Variants in KHDRBS3 observed in about 807,000 individuals in gnomAD.
The protein encoded by KHDRBS3 is KH RNA binding domain containing, signal transduction associated 3.
A neutral mutation model predicts 45.6 loss-of-function variants in KHDRBS3; 23 were observed. The ratio of observed to expected loss-of-function variants is 0.50; its 90% confidence interval spans 0.36 to 0.72. KHDRBS3 has a LOEUF of 0.72. Among genes scored for constraint, KHDRBS3 ranks in the 30% least tolerant of loss-of-function variants. The pLI, the probability that KHDRBS3 is intolerant of heterozygous loss-of-function variation, is 0.00. For missense variants in KHDRBS3, 352 were observed against 424.8 expected, an observed-to-expected ratio of 0.83 and a Z score of 1.51; for synonymous variants, 162 against 156.5, an observed-to-expected ratio of 1.04 and a Z score of -0.26.
intron 2 of KHDRBS3, among the ~76,000 whole-genome samples, chr8:135,533,222 G>A (rs1351049444): frequency 6.6e-6 from 1 of 152,162 alleles, no homozygotes; most frequent in African/African-American, 2.4e-5. Flanking sequence ...TACTGCAAAA[G>A]ACACTGTTAA....
intron 5 of KHDRBS3, among the ~76,000 whole-genome samples, chr8:135,578,346 A>G (rs1828044272): frequency 6.6e-6 from 1 of 151,848 alleles, no homozygotes; most frequent in South Asian, 2.1e-4. Flanking sequence ...TTTCTTCTCT[A>G]AGTTTTATGT....
intron 1 of KHDRBS3, among the ~76,000 whole-genome samples, chr8:135,467,409 C>G (rs1472186121): frequency 6.6e-6 from 1 of 152,220 alleles, no homozygotes; most frequent in Non-Finnish European, 1.5e-5. Context: ...AGTTCACATG[C>G]TGATGGCACC....
At chr8:135,569,645 C>T (rs1453602209) in intron 5 of KHDRBS3, among the ~76,000 whole-genome samples, 2 of 152,106 alleles carry the variant, frequency 1.3e-5, no homozygotes, top group East Asian at 1.9e-4. Context: ...TACTGTAGAA[C>T]GTGTGAATCT....
chr8:135,650,215 C>T (rs1263641121), downstream of KHDRBS3, among the ~76,000 whole-genome samples: 1 of 152,124 alleles, frequency 6.6e-6, no homozygotes, highest in South Asian at 2.1e-4. Flanking sequence ...ACCGCAAAAC[C>T]GAATGGAGGT....
At chr8:135,625,070 T>C (rs1830298926) in intron 7 of KHDRBS3, 2 of 578,532 alleles carry the variant, frequency 3.5e-6, no homozygotes, top group South Asian at 5.2e-5. Context: ...AGAGGCACTT[T>C]TTGCTTATGA....
rs1177951702 is a variant in KHDRBS3, at chr8:135,558,401, CTA to C, written c.611+816_611+817del. 6.6e-5 allele frequency among the ~76,000 whole-genome samples: 10 copies of C among 152,066 alleles called. No homozygotes were observed. The South Asian group carries it at 1.9e-3, about 28-fold the overall frequency. On this transcript the variant is annotated intron_variant, in intron 5 of 8. Coordinates refer to ENST00000355849, the MANE Select transcript of KHDRBS3 (RefSeq NM_006558.3). Reference sequence around the variant, plus strand: ...GCAAATTTTTCAATTAAACTAATGACTATGGATAAATTTTTATTTTAGATAGA... The same window carrying C: ...GCAAATTTTTCAATTAAACTAATGACTGGATAAATTTTTATTTTAGATAGA...
intron 7 of KHDRBS3, among the ~76,000 whole-genome samples, chr8:135,637,858 A>C (rs955336193): frequency 6.6e-6 from 1 of 152,212 alleles, no homozygotes; most frequent in African/African-American, 2.4e-5. Flanking sequence ...TTGAGAATTA[A>C]AAGATTATCT....
At chr8:135,563,682 A>G (rs988158132) in intron 5 of KHDRBS3, among the ~76,000 whole-genome samples, 1 of 152,216 alleles carries the variant, frequency 6.6e-6, no homozygotes, top group Non-Finnish European at 1.5e-5. Flanking sequence ...AGTGTTGACC[A>G]CTGGAAATAT....
chr8:135,565,152 G>A (rs116255744), intron 5 of KHDRBS3, among the ~76,000 whole-genome samples: 5 of 152,100 alleles, frequency 3.3e-5, no homozygotes, highest in African/African-American at 9.7e-5. Context: ...CGTGATTCCC[G>A]CTAAGTGGAA....
chr8:135,605,937 G>A (rs1445456073), intron 6 of KHDRBS3, among the ~76,000 whole-genome samples: 1 of 151,990 alleles, frequency 6.6e-6, no homozygotes. Context: ...GTTTAAAACT[G>A]AACATTTAAT....
chr8:135,526,933 G>GTT (rs1164105316), intron 2 of KHDRBS3, among the ~76,000 whole-genome samples: 2 of 143,226 alleles, frequency 1.4e-5, no homozygotes, highest in African/African-American at 5.1e-5. Context: ...TTCTCCATGG[G>GTT]TTTTTTTTTT....
chr8:135,497,521 C>T (rs1823518337), intron 1 of KHDRBS3, among the ~76,000 whole-genome samples: 1 of 152,100 alleles, frequency 6.6e-6, no homozygotes, highest in Non-Finnish European at 1.5e-5. Flanking sequence ...CTCTTGTGGT[C>T]TCTTACTAAT....
At chr8:135,609,314 AT>A (rs922493693) in intron 7 of KHDRBS3, among the ~76,000 whole-genome samples, 2 of 147,438 alleles carry the variant, frequency 1.4e-5, no homozygotes, top group Non-Finnish European at 3.0e-5. Context: ...TACTTTGTAA[AT>A]TTTTTTTTCC....
intron 7 of KHDRBS3, among the ~76,000 whole-genome samples, chr8:135,638,646 AT>A (rs1830918813): frequency 1.3e-5 from 2 of 152,196 alleles, no homozygotes; most frequent in African/African-American, 4.8e-5. Flanking sequence ...AGAGTTGGGA[AT>A]TTAGAAGTTA....
chr8:135,561,945 TA>T (rs1488294971), intron 5 of KHDRBS3, among the ~76,000 whole-genome samples: 1 of 152,130 alleles, frequency 6.6e-6, no homozygotes, highest in Non-Finnish European at 1.5e-5. Flanking sequence ...GTTTGTGTTT[TA>T]AGCCAAGTGT....
rs59502823 is a variant in KHDRBS3, at chr8:135,515,365, T to TAAAAAA, written c.89-5840_89-5835dup. ...TGGGCGACAGAGCGAGACTCCGTCT[T>TAAAAAA]AAAAAAAAAAAAAAAAAAAAAAAAA... On this transcript the variant is annotated intron_variant, in intron 1 of 8. Coordinates refer to ENST00000355849, the MANE Select transcript of KHDRBS3 (RefSeq NM_006558.3). Among the ~76,000 whole-genome samples the TAAAAAA allele has an allele frequency of 5.5e-3, 220 of 39,748 alleles. 15 individuals carry two copies. Among genetic ancestry groups the TAAAAAA allele is most frequent in the South Asian group, 0.017 (10 of 600 alleles). 26.1% of individuals were successfully genotyped at this position (39,748 alleles called of 152,430 possible).
chr8:135,514,224 T>C (rs2130604932), intron 1 of KHDRBS3, among the ~76,000 whole-genome samples: 1 of 152,328 alleles, frequency 6.6e-6, no homozygotes, highest in Non-Finnish European at 1.5e-5. Context: ...TAGAACATTT[T>C]CACATCTCAC....
chr8:135,632,071 C>T (rs979668067), intron 7 of KHDRBS3, among the ~76,000 whole-genome samples: 5 of 152,166 alleles, frequency 3.3e-5, no homozygotes, highest in South Asian at 4.1e-4. Context: ...TATACACATG[C>T]GCACACACTT....
chr8:135,621,891 T>C (rs1830157974), intron 7 of KHDRBS3, among the ~76,000 whole-genome samples: 1 of 149,126 alleles, frequency 6.7e-6, no homozygotes, highest in Non-Finnish European at 1.5e-5. Flanking sequence ...GTTCCACAGA[T>C]TTTTTTTTTG....
Sources: allele counts gnomAD v4.1 joint callset (sites outside exome capture counted in the v4.1 genomes callset), GRCh38; gene constraint gnomAD v4.1.1; transcripts MANE v1.5; gene names NCBI Gene and HGNC (gene_info 2026-07-23, HGNC 2026-07-21).